UNC5D: variants seen among roughly 807,000 people sequenced by gnomAD.
UNC5D encodes the protein netrin receptor UNC5D.
A neutral mutation model predicts 105.4 loss-of-function variants in UNC5D; 39 were observed. That is an observed-to-expected ratio of 0.37 (90% CI 0.29 to 0.48). The LOEUF is 0.48. Ranked by LOEUF, UNC5D falls within the 20% of genes least tolerant of loss-of-function variation. The pLI is 0.98. For missense variants in UNC5D, 991 were observed against 1,202.4 expected, an observed-to-expected ratio of 0.82 and a Z score of 2.60; for synonymous variants, 452 against 450.4, an observed-to-expected ratio of 1.00 and a Z score of -0.04.
intron 3 of UNC5D, among the ~76,000 whole-genome samples, chr8:35,586,992 G>A (rs951321158): frequency 2.0e-4 from 30 of 152,294 alleles, no homozygotes; most frequent in African/African-American, 6.0e-4. Flanking sequence ...AGGGCATGGG[G>A]TGAGGAAGGG....
chr8:35,434,379 G>T (rs1032524169), intron 1 of UNC5D, among the ~76,000 whole-genome samples: 1 of 151,784 alleles, frequency 6.6e-6, no homozygotes, highest in East Asian at 1.9e-4. Flanking sequence ...ATTTTTTTTG[G>T]GTGGGGGTAT....
At chr8:35,729,028 G>GT (rs1829047496) in intron 10 of UNC5D, among the ~76,000 whole-genome samples, 1 of 152,122 alleles carries the variant, frequency 6.6e-6, no homozygotes, top group Non-Finnish European at 1.5e-5. Context: ...ACTCCACGTA[G>GT]TATTTGCATG....
At chr8:35,335,709 G>A (rs995142778) in intron 1 of UNC5D, among the ~76,000 whole-genome samples, 2 of 145,898 alleles carry the variant, frequency 1.4e-5, no homozygotes, top group African/African-American at 2.5e-5. Context: ...TACATAGAAT[G>A]TTAAGCAGAC....
At chr8:35,721,385 G>A in intron 8 of UNC5D, 1 of 702,446 alleles carries the variant, frequency 1.4e-6, no homozygotes, top group Admixed American at 2.0e-5. Flanking sequence ...CATCTTGCGG[G>A]GTGGGGAGGC....
chr8:35,581,305 C>T (rs1427741009), intron 3 of UNC5D, among the ~76,000 whole-genome samples: 3 of 152,140 alleles, frequency 2.0e-5, no homozygotes, highest in Admixed American at 2.0e-4. Context: ...TGTTTGCTGT[C>T]TATATTCTGA....
intron 1 of UNC5D, among the ~76,000 whole-genome samples, chr8:35,465,419 A>G (rs1163441674): frequency 2.6e-5 from 4 of 151,076 alleles, no homozygotes; most frequent in Non-Finnish European, 5.9e-5. Flanking sequence ...CAAAAGCCAC[A>G]TAAGTCTCAA....
chr8:35,730,889 G>T (rs1829155458), intron 10 of UNC5D, 123 bp from the exon 11 acceptor site: 7 of 774,038 alleles, frequency 9.0e-6, no homozygotes, highest in Non-Finnish European at 1.5e-5. Flanking sequence ...TCCAAGGATT[G>T]AGATTTCATA....
At chr8:35,351,872 T>C (rs928263955) in intron 1 of UNC5D, among the ~76,000 whole-genome samples, 2 of 152,106 alleles carry the variant, frequency 1.3e-5, no homozygotes, top group Non-Finnish European at 2.9e-5. Context: ...AAATGACTAG[T>C]GCTGATATTG....
intron 11 of UNC5D, among the ~76,000 whole-genome samples, chr8:35,741,513 G>C (rs940463563): frequency 3.3e-5 from 5 of 152,088 alleles, no homozygotes; most frequent in African/African-American, 1.2e-4. Context: ...GGACTATAAT[G>C]GCATGATGAG....
chr8:35,518,824 C>T (rs763255273), intron 1 of UNC5D, among the ~76,000 whole-genome samples: 3 of 152,032 alleles, frequency 2.0e-5, no homozygotes, highest in Non-Finnish European at 2.9e-5. Context: ...ACCTCTCTGC[C>T]TCTGAACAGG....
chr8:35,482,420 T>C (rs983059791), intron 1 of UNC5D, among the ~76,000 whole-genome samples: 1 of 152,192 alleles, frequency 6.6e-6, no homozygotes, highest in African/African-American at 2.4e-5. Flanking sequence ...GACATTGTTG[T>C]TCTAACTCTC....
Position 35,469,719 on chromosome 8 carries a change from A to G in UNC5D, c.104-79573A>G, listed in dbSNP as rs186778014. On this transcript the variant is annotated intron_variant, in intron 1 of 16. Coordinates refer to ENST00000404895, the MANE Select transcript of UNC5D (RefSeq NM_080872.4). ...GGGCATTTAAGGAAAACTACAACACATTTCCCCAGAAAGACCTGAATGACG... is the reference window on the plus strand; with the variant it reads ...GGGCATTTAAGGAAAACTACAACACGTTTCCCCAGAAAGACCTGAATGACG... 3.6e-3 allele frequency among the ~76,000 whole-genome samples: 543 copies of G among 152,336 alleles called. 6 individuals carry two copies. The highest frequency in any genetic ancestry group is 0.012 in the African/African-American group (518 of 41,572).
At chr8:35,499,592 T>A (rs933175535) in intron 1 of UNC5D, among the ~76,000 whole-genome samples, 2 of 152,154 alleles carry the variant, frequency 1.3e-5, no homozygotes, top group East Asian at 3.9e-4. Context: ...AGAGGAAACA[T>A]TTTTTTGAGG....
intron 4 of UNC5D, among the ~76,000 whole-genome samples, chr8:35,641,362 A>G (rs911442874): frequency 6.7e-6 from 1 of 148,186 alleles, no homozygotes; most frequent in Admixed American, 6.8e-5. Flanking sequence ...AAAAAAAAAT[A>G]AAGCAAAAAA....
At chr8:35,310,656 G>T (rs563941985) in intron 1 of UNC5D, among the ~76,000 whole-genome samples, 1 of 152,000 alleles carries the variant, frequency 6.6e-6, no homozygotes, top group African/African-American at 2.4e-5. Context: ...AAAAAAATTT[G>T]CAAGTAACCT....
At chr8:35,257,321 A>G (rs1434766425) in intron 1 of UNC5D, among the ~76,000 whole-genome samples, 1 of 152,052 alleles carries the variant, frequency 6.6e-6, no homozygotes, top group Non-Finnish European at 1.5e-5. Context: ...CTACTGTGTA[A>G]CTGTCCTTGG....
At chr8:35,648,615 G>A (rs1823207871) in intron 4 of UNC5D, among the ~76,000 whole-genome samples, 1 of 144,204 alleles carries the variant, frequency 6.9e-6, no homozygotes, top group Non-Finnish European at 1.5e-5. Context: ...GGAAGCAGAG[G>A]TTGCAGTGAG....
Position 35,235,877 on chromosome 8 carries a change from G to A in UNC5D, c.93G>A (p.Ala31=). The change falls in exon 1 of 17, where the codon GCG becomes GCA. Residue 31 remains alanine (A), a synonymous_variant. Transcript: ENST00000404895. ...LGLCFWAAGT[A]AARGTDNGEA... ...TGTGCTTCTGGGCGGCAGGGACCGC[G>A]GCTGCCCGAGGTAAGCGCTGGGCGG... is the stretch of plus-strand genomic sequence containing the variant. 8.1e-7 allele frequency: 1 copy of A among 1,228,406 alleles called. No individual in the cohort carries two copies. Among genetic ancestry groups the A allele is most frequent in the Non-Finnish European group, 1.0e-6 (1 of 985,790 alleles). 76.1% of individuals were successfully genotyped at this position (1,228,406 alleles called of 1,614,324 possible).
At chr8:35,310,607 C>A (rs1204885972) in intron 1 of UNC5D, among the ~76,000 whole-genome samples, 1 of 151,786 alleles carries the variant, frequency 6.6e-6, no homozygotes, top group African/African-American at 2.4e-5. Context: ...GTGACTGAGA[C>A]CCTGTCTCAA....
Sources: allele counts gnomAD v4.1 joint callset (sites outside exome capture counted in the v4.1 genomes callset), GRCh38; gene constraint gnomAD v4.1.1; transcripts MANE v1.5; gene names NCBI Gene and HGNC (gene_info 2026-07-23, HGNC 2026-07-21).